The following ESRRG variants were observed in gnomAD, a reference collection of about 807,000 sequenced individuals.
The protein encoded by ESRRG is estrogen related receptor gamma.
In ESRRG, 13 loss-of-function variants were observed where a neutral mutation model predicts 44.0. The ratio of observed to expected loss-of-function variants is 0.30; its 90% CI spans 0.19 to 0.47. The LOEUF is 0.47. ESRRG is among the 20% of genes least tolerant of loss of function. The pLI is 1.00. For synonymous variants in ESRRG, 215 were observed against 214.6 expected (o/e 1.00, Z -0.02); for missense variants, 395 against 580.6 (o/e 0.68, Z 3.29).
chr1:216,741,649 A>G (rs2090753075), intron 2 of ESRRG, among the ~76,000 whole-genome samples: 1 of 152,136 alleles, frequency 6.6e-6, no homozygotes, highest in African/African-American at 2.4e-5. Context: ...CTTAGAACAC[A>G]GCTTAGGGCC....
intron 1 of ESRRG, among the ~76,000 whole-genome samples, chr1:217,104,351 T>C (rs2092560873): frequency 6.6e-6 from 1 of 152,058 alleles, no homozygotes; most frequent in African/African-American, 2.4e-5. Context: ...AAGGAGCAAA[T>C]AGTAAGCCAC....
rs951251022 is a variant in ESRRG at position 216,828,167 on chromosome 1, A to T, written c.-14+111415T>A. 2.6e-5 allele frequency among the ~76,000 whole-genome samples: 4 copies of T among 152,152 alleles called. No individual in the cohort carries two copies. The East Asian group carries it at 7.7e-4, about 29-fold the overall frequency. ...GGGAGCAATTTCCCAGAGAGAGGAG[A>T]GCCTGGGATCTTCGTAGTCCTCCTA... On this transcript the variant is annotated intron_variant, in intron 2 of 7. Transcript: ENST00000359162.
chr1:216,903,737 A>T (rs2059363267), intron 2 of ESRRG, among the ~76,000 whole-genome samples: 1 of 151,996 alleles, frequency 6.6e-6, no homozygotes, highest in African/African-American at 2.4e-5. Context: ...AGGACAGGGG[A>T]TGTCCTGGTT....
chr1:217,048,233 C>T (rs1265062157), intron 1 of ESRRG, among the ~76,000 whole-genome samples: 2 of 152,188 alleles, frequency 1.3e-5, no homozygotes, highest in East Asian at 1.9e-4. Context: ...CAAGGGCAGT[C>T]GCTGACGGTA....
intron 1 of ESRRG, among the ~76,000 whole-genome samples, chr1:217,019,312 A>C (rs533739889): frequency 6.6e-6 from 1 of 152,342 alleles, no homozygotes; most frequent in South Asian, 2.1e-4. Flanking sequence ...CAAAGCTTTC[A>C]GAGAGAGAAA....
intron 2 of ESRRG, among the ~76,000 whole-genome samples, chr1:216,926,866 T>C (rs2062658155): frequency 6.6e-6 from 1 of 152,132 alleles, no homozygotes; most frequent in Non-Finnish European, 1.5e-5. Flanking sequence ...GAATGCTGAA[T>C]GCTGAATGCT....
intron 2 of ESRRG, among the ~76,000 whole-genome samples, chr1:216,876,093 G>C (rs1457740497): frequency 6.6e-6 from 1 of 152,060 alleles, no homozygotes; most frequent in Non-Finnish European, 1.5e-5. Context: ...AGGCATAGAA[G>C]AAATAAGAAA....
chr1:217,095,246 A>C (rs2092405359), intron 1 of ESRRG, among the ~76,000 whole-genome samples: 1 of 152,256 alleles, frequency 6.6e-6, no homozygotes, highest in Non-Finnish European at 1.5e-5. Context: ...AGTATTCAGA[A>C]TGATGGCCTT....
At chr1:216,814,940 G>T (rs1576849305) in intron 2 of ESRRG, among the ~76,000 whole-genome samples, 1 of 152,196 alleles carries the variant, frequency 6.6e-6, no homozygotes, top group East Asian at 1.9e-4. Context: ...CAGCACCAAA[G>T]ATGAGATGCA....
intron 1 of ESRRG, among the ~76,000 whole-genome samples, chr1:217,097,930 C>G (rs2092448463): frequency 6.6e-6 from 1 of 151,040 alleles, no homozygotes; most frequent in African/African-American, 2.4e-5. Context: ...ACTTGGAAAG[C>G]TTTTTAAAAT....
intron 3 of ESRRG, among the ~76,000 whole-genome samples, chr1:216,589,172 C>A (rs1392251578): frequency 5.3e-5 from 8 of 152,206 alleles, no homozygotes; most frequent in Non-Finnish European, 1.2e-4. Flanking sequence ...GGTAAGAATG[C>A]AGGACTACTG....
At chr1:216,998,833 A>G (rs753850938) in intron 1 of ESRRG, among the ~76,000 whole-genome samples, 1 of 152,246 alleles carries the variant, frequency 6.6e-6, no homozygotes, top group Non-Finnish European at 1.5e-5. Context: ...AAATCTTATG[A>G]CAAAATTATA....
intron 1 of ESRRG, among the ~76,000 whole-genome samples, chr1:217,113,747 T>G (rs1204834909): frequency 6.6e-6 from 1 of 152,136 alleles, no homozygotes; most frequent in Non-Finnish European, 1.5e-5. Flanking sequence ...CCCAGCACTT[T>G]GGGAGGCTGA....
chr1:216,736,327 C>G (rs1422289493), intron 2 of ESRRG, among the ~76,000 whole-genome samples: 2 of 151,452 alleles, frequency 1.3e-5, no homozygotes, highest in African/African-American at 2.4e-5. Flanking sequence ...GGGACTACAG[C>G]CGTCCGCCAC....
intron 2 of ESRRG, among the ~76,000 whole-genome samples, chr1:216,807,460 T>C (rs1334413937): frequency 6.6e-6 from 1 of 152,136 alleles, no homozygotes; most frequent in African/African-American, 2.4e-5. Context: ...CTTGTTTCCA[T>C]CTTTCAACAT....
At chr1:216,673,650 A>C (rs889340528) in intron 2 of ESRRG, among the ~76,000 whole-genome samples, 2 of 152,260 alleles carry the variant, frequency 1.3e-5, no homozygotes, top group African/African-American at 4.8e-5. Flanking sequence ...CAATTGCTCT[A>C]TTCTAATTAT....
At chr1:216,756,715 G>T (rs775757614) in intron 2 of ESRRG, among the ~76,000 whole-genome samples, 1 of 151,930 alleles carries the variant, frequency 6.6e-6, no homozygotes, top group African/African-American at 2.4e-5. Flanking sequence ...ATTAAAGAGC[G>T]AAATGTTGAC....
intron 1 of ESRRG, among the ~76,000 whole-genome samples, chr1:217,080,857 T>G (rs145190234): frequency 2.4e-4 from 36 of 151,944 alleles, no homozygotes; most frequent in Admixed American, 1.6e-3. Flanking sequence ...TTTTGTATTT[T>G]TAGTGGAGAC....
chr1:216,870,253 CTT>C (rs35814014), intron 2 of ESRRG, among the ~76,000 whole-genome samples: 140 of 133,342 alleles, frequency 1.0e-3, no homozygotes, highest in Admixed American at 1.3e-3. Flanking sequence ...TGTCAATGTG[CTT>C]TTTTTTTTTT....
Sources: allele counts gnomAD v4.1 joint callset (sites outside exome capture counted in the v4.1 genomes callset), GRCh38; gene constraint gnomAD v4.1.1; transcripts MANE v1.5; gene names NCBI Gene and HGNC (gene_info 2026-07-23, HGNC 2026-07-21).